Variants in FAM149A observed in about 807,000 individuals in gnomAD.
The protein encoded by FAM149A is protein FAM149A.
A neutral mutation model predicts 78.2 loss-of-function variants in FAM149A; 71 were observed. That is an observed-to-expected ratio of 0.91 (90% confidence interval 0.75 to 1.11). The LOEUF is 1.11. FAM149A is among the 50% of genes least tolerant of loss of function. The pLI is 0.00. For synonymous variants in FAM149A, 446 were observed against 410.5 expected (o/e 1.09, Z -1.04); for missense variants, 1,036 against 971.0 (o/e 1.07, Z -0.89).
At chr4:186,126,185 G>C in intron 1 of FAM149A, 1 of 760,752 alleles carries the variant, frequency 1.3e-6, no homozygotes, top group Non-Finnish European at 1.6e-6. Context: ...CCTCGAGTAA[G>C]CCTCGCGCCT....
At chr4:186,153,817 T>C (rs1283866557) in intron 5 of FAM149A, 47 bp downstream of exon 5, 9 of 1,557,928 alleles carry the variant, frequency 5.8e-6, no homozygotes, top group South Asian at 2.3e-5. Flanking sequence ...AGCTGTATTT[T>C]AGTTATACTT....
At position 186,118,139 on chromosome 4, in the gene FAM149A, C is replaced by T. The variant is rs913524342; in HGVS notation, c.566+12497C>T. 7.7e-5 allele frequency: 76 copies of T among 985,284 alleles called. No homozygotes were observed. In the African/African-American group the frequency reaches 8.0e-4, roughly 10 times the overall value. 61.0% of individuals were successfully genotyped at this position (985,284 alleles called of 1,614,324 possible). A position where few individuals can be genotyped will look rare whatever the true frequency, so the allele number is the denominator to read the frequency against. Reference sequence around the variant, plus strand: ...GGAAGTATAAACAGGCAACTTTGCACGTACAGGAGTTGGTGAACACACACA... The same window carrying T: ...GGAAGTATAAACAGGCAACTTTGCATGTACAGGAGTTGGTGAACACACACA... On this transcript the variant is annotated intron_variant, in intron 1 of 13. Transcript: ENST00000389354.
rs766696212 is a variant in FAM149A, at chr4:186,172,065, T to TTA, written c.*82_*83dup. On this transcript the variant is annotated 3_prime_UTR_variant, in exon 14 of 14. Coordinates refer to ENST00000389354, the MANE Select transcript of FAM149A (RefSeq NM_001367768.3). ...CACTTGAAAAATGGAGGAACAAGTGTTATATTTATCTGTGTGTCTGACAGT... is the reference window on the plus strand; with the variant it reads ...CACTTGAAAAATGGAGGAACAAGTGTTATATATTTATCTGTGTGTCTGACAGT... The TTA allele has an allele frequency of 6.4e-7, 1 of 1,567,142 alleles. No individual in the cohort carries two copies. The highest frequency in any genetic ancestry group is 2.0e-5 in the Admixed American group (1 of 49,994).
intron 1 of FAM149A, among the ~76,000 whole-genome samples, chr4:186,136,976 T>TCTCTCTCTCTCTGTCTCTC: frequency 1.4e-5 from 1 of 72,120 alleles, no homozygotes; most frequent in Non-Finnish European, 2.6e-5. Context: ...CTCTCTCTCT[T>TCTCTCTCTCTCTGTCTCTC]TCTCTCTCTC....
At chr4:186,171,413 T>C (rs974296101) in intron 13 of FAM149A, among the ~76,000 whole-genome samples, 2 of 152,202 alleles carry the variant, frequency 1.3e-5, no homozygotes, top group Non-Finnish European at 2.9e-5. Flanking sequence ...TTGTTTTCTT[T>C]TTCTCTGACA....
chr4:186,123,601 A>C (rs1388271450), intron 1 of FAM149A, among the ~76,000 whole-genome samples: 1 of 152,188 alleles, frequency 6.6e-6, no homozygotes, highest in East Asian at 1.9e-4. Flanking sequence ...TTGTGACACG[A>C]CCCACTGCAG....
chr4:186,149,057 G>A (rs1733268530), intron 1 of FAM149A, 116 bp from the exon 2 acceptor site: 1 of 704,212 alleles, frequency 1.4e-6, no homozygotes, highest in African/African-American at 1.9e-5. Context: ...TGGGTTTGGA[G>A]GGATGTGGCA....
intron 1 of FAM149A, chr4:186,109,049 A>T (rs145574097): frequency 4.7e-6 from 1 of 211,754 alleles, no homozygotes; most frequent in Admixed American, 6.5e-5. Context: ...GGGTTTCACC[A>T]TGTTAGCCAG....
At chr4:186,119,184 T>C (rs1192848153) in intron 1 of FAM149A, among the ~76,000 whole-genome samples, 1 of 152,204 alleles carries the variant, frequency 6.6e-6, no homozygotes, top group Non-Finnish European at 1.5e-5. Context: ...ATTTCAAAAA[T>C]TACCTCACAT....
intron 6 of FAM149A, chr4:186,154,990 T>C (rs1357298050): frequency 2.7e-5 from 26 of 964,780 alleles, no homozygotes; most frequent in South Asian, 4.8e-5. Context: ...TGAGACGGAG[T>C]CTCGCTCTGT....
intron 1 of FAM149A, among the ~76,000 whole-genome samples, chr4:186,126,463 C>A (rs765291281): frequency 5.3e-5 from 8 of 152,150 alleles, no homozygotes; most frequent in Non-Finnish European, 8.8e-5. Flanking sequence ...CTACCCTCAC[C>A]AATGAGAGTG....
At chr4:186,134,856 A>G (rs750509978) in intron 1 of FAM149A, among the ~76,000 whole-genome samples, 3 of 152,030 alleles carry the variant, frequency 2.0e-5, no homozygotes, top group Admixed American at 6.6e-5. Context: ...TAGTTCCTCT[A>G]CTCCTTCAAA....
chr4:186,167,497 C>T, intron 13 of FAM149A: 2 of 472,044 alleles, frequency 4.2e-6, no homozygotes, highest in Non-Finnish European at 7.6e-6. Flanking sequence ...TCTCAATGAA[C>T]TGGGGGCCTC....
chr4:186,157,596 G>C lies in FAM149A; in HGVS notation c.1452G>C (p.Val484=), dbSNP rs756840471. 6.2e-7 allele frequency: 1 copy of C among 1,614,164 alleles called. No homozygotes were observed. Among genetic ancestry groups the C allele is most frequent in the Admixed American group, 1.7e-5 (1 of 60,020 alleles). Reference sequence around the variant, plus strand: ...AAAAACAGAGAGAAACATTGAAAGTGGCTGGAAACAGATTTCCGCACGTCC... The same window carrying C: ...AAAAACAGAGAGAAACATTGAAAGTCGCTGGAAACAGATTTCCGCACGTCC... The change falls in exon 8 of 14, where the codon GTG becomes GTC. Residue 484 remains valine (V), a synonymous_variant. Coordinates refer to ENST00000389354, the MANE Select transcript of FAM149A (RefSeq NM_001367768.3).
rs1043941799 is a variant in FAM149A, at chr4:186,162,575, G to A, written c.1576-270G>A. On this transcript the variant is annotated intron_variant, in intron 8 of 13. Coordinates refer to ENST00000389354, the MANE Select transcript of FAM149A (RefSeq NM_001367768.3). The stretch of plus-strand genomic sequence containing the variant: ...CCTACCCCGTGCAGCTACCCTCTCC[G>A]GGTGCAGGAACCTCTCTCTCACTTC... Among the ~76,000 whole-genome samples, 39 of 152,154 alleles carry A rather than the reference G, an allele frequency of 2.6e-4. 1 individual carries two copies. The highest frequency in any genetic ancestry group is 4.4e-5 in the Non-Finnish European group (3 of 68,024).
At position 186,165,470 on chromosome 4, in the gene FAM149A, A is replaced by G; in HGVS notation, c.2010+6A>G. The G allele has an allele frequency of 6.2e-7, 1 of 1,614,026 alleles. No individual in the cohort carries two copies. Among genetic ancestry groups the G allele is most frequent in the Non-Finnish European group, 8.5e-7 (1 of 1,179,934 alleles). Reference sequence around the variant, plus strand: ...CTGGATGCCGCCTTGTTTCTGTAAGACAGATTTCATTCTATTTCAGTGGAC... The same window carrying G: ...CTGGATGCCGCCTTGTTTCTGTAAGGCAGATTTCATTCTATTTCAGTGGAC... On this transcript the variant is annotated splice_donor_region_variant and intron_variant, in intron 11 of 13. Transcript: ENST00000389354.
intron 13 of FAM149A, among the ~76,000 whole-genome samples, chr4:186,170,435 A>G (rs1182473435): frequency 6.6e-6 from 1 of 152,224 alleles, no homozygotes; most frequent in Admixed American, 6.5e-5. Flanking sequence ...CTGATCACCC[A>G]TGAGCCTACT....
intron 1 of FAM149A, among the ~76,000 whole-genome samples, chr4:186,140,970 C>T (rs1264942117): frequency 6.6e-6 from 1 of 152,192 alleles, no homozygotes; most frequent in Non-Finnish European, 1.5e-5. Context: ...AGTTGGAGAT[C>T]CAGGAGAGCC....
chr4:186,167,930 A>G (rs1014041917), intron 13 of FAM149A, among the ~76,000 whole-genome samples: 3 of 152,176 alleles, frequency 2.0e-5, no homozygotes, highest in South Asian at 2.1e-4. Context: ...AGGGTACATA[A>G]AATCATTATT....
Sources: gnomAD v4.1 joint callset for allele counts (sites outside exome capture counted in the v4.1 genomes callset) on GRCh38, gnomAD v4.1.1 for gene constraint, MANE v1.5 for transcripts, NCBI Gene and HGNC (gene_info 2026-07-23, HGNC 2026-07-21) for gene names.